The following IL18R1 variants were observed in gnomAD, a reference collection of about 807,000 sequenced individuals.
IL18R1 encodes interleukin 18 receptor 1, also known as interleukin-18 receptor 1.
IL18R1 carries 40 observed loss-of-function variants against 48.5 expected under a neutral mutation model. That is an observed-to-expected ratio of 0.82 (90% confidence interval 0.64 to 1.07). The LOEUF is 1.07. IL18R1 is among the 50% of genes least tolerant of loss of function. IL18R1 has a pLI of 0.00. For synonymous variants in IL18R1, 232 were observed against 225.9 expected, an observed-to-expected ratio of 1.03 and a Z score of -0.24; for missense variants, 596 against 633.7, an observed-to-expected ratio of 0.94 and a Z score of 0.64.
At chr2:102,384,381 T>C (rs529445034) in intron 6 of IL18R1, among the ~76,000 whole-genome samples, 18 of 152,246 alleles carry the variant, frequency 1.2e-4, no homozygotes, top group African/African-American at 4.1e-4. Context: ...AGACTCTTTC[T>C]GTTAATTACA....
At chr2:102,359,916 A>T (rs1216059341) in intron 1 of IL18R1, among the ~76,000 whole-genome samples, 1 of 152,220 alleles carries the variant, frequency 6.6e-6, no homozygotes, top group Non-Finnish European at 1.5e-5. Flanking sequence ...TTTAACTTTC[A>T]CATCAGTTCC....
intron 6 of IL18R1, among the ~76,000 whole-genome samples, chr2:102,382,134 A>G (rs1270371912): frequency 6.6e-6 from 1 of 152,070 alleles, no homozygotes; most frequent in East Asian, 1.9e-4. Flanking sequence ...TTAGCCAGGC[A>G]TGGTGGCATG....
chr2:102,382,881 T>C (rs1679999571), intron 6 of IL18R1, among the ~76,000 whole-genome samples: 2 of 152,206 alleles, frequency 1.3e-5, no homozygotes, highest in Non-Finnish European at 1.5e-5. Context: ...GTATCTTTTG[T>C]TCTAGTTTGT....
chr2:102,392,059 A>C (rs2105127387), intron 9 of IL18R1, among the ~76,000 whole-genome samples: 1 of 152,316 alleles, frequency 6.6e-6, no homozygotes, highest in South Asian at 2.1e-4. Flanking sequence ...TGAAAAACAT[A>C]CTCAAATGTA....
rs1043077784 is a variant in IL18R1 at position 102,360,202 on chromosome 2, G to A, written c.-28-2431G>A. Among the ~76,000 whole-genome samples, 6 of 152,172 alleles carry A rather than the reference G, an allele frequency of 3.9e-5. No homozygotes were observed. In the South Asian group the frequency reaches 1.0e-3, roughly 26 times the overall value. On this transcript the variant is annotated intron_variant, in intron 1 of 10. Transcript: ENST00000233957. ...TAGAATGGTTTTAACAAAGAGTTTT[G>A]TGACACAGGAAAAATGCTCATTATG...
At chr2:102,369,703 C>G (rs764758365) in intron 3 of IL18R1, among the ~76,000 whole-genome samples, 171 of 152,268 alleles carry the variant, frequency 1.1e-3, no homozygotes, top group Non-Finnish European at 2.2e-3. Flanking sequence ...AGGTGTGTAA[C>G]CCTTTGCAGT....
At chr2:102,371,701 G>A (rs1679272046) in intron 3 of IL18R1, among the ~76,000 whole-genome samples, 2 of 152,070 alleles carry the variant, frequency 1.3e-5, no homozygotes, top group Admixed American at 6.6e-5. Flanking sequence ...GTGCGTGTGT[G>A]CGTGTGCATG....
At chr2:102,381,579 G>A in intron 5 of IL18R1, 41 bp from the exon 6 acceptor site, 1 of 1,431,310 alleles carries the variant, frequency 7.0e-7, no homozygotes, top group South Asian at 1.2e-5. Flanking sequence ...AGAAGCTCAA[G>A]GCAACACTAA....
intron 2 of IL18R1, among the ~76,000 whole-genome samples, chr2:102,365,006 T>C (rs1678803907): frequency 1.3e-5 from 2 of 152,116 alleles, no homozygotes; most frequent in Admixed American, 1.3e-4. Flanking sequence ...GGAACTACAA[T>C]TCAAGATGAT....
At position 102,367,947 on chromosome 2, in the gene IL18R1, G is replaced by T; in HGVS notation, c.181G>T (p.Gly61Ter). The T allele has an allele frequency of 6.2e-7, 1 of 1,614,206 alleles. No individual in the cohort carries two copies. Among genetic ancestry groups the T allele is most frequent in the Non-Finnish European group, 8.5e-7 (1 of 1,180,036 alleles). Residue 61 changes from glycine to a stop codon, truncating the protein, a stop_gained, in exon 3 of 11, where the codon GGA becomes TGA. Coordinates refer to ENST00000233957, the MANE Select transcript of IL18R1 (RefSeq NM_003855.5). LOFTEE classifies it high-confidence loss of function. ...TTTKSWYKSS[G>*]SQEHVELNPR... ...CACCAAAAGCTGGTACAAAAGCAGT[G>T]GATCACAGGAACATGTGGAGCTGAA...
intron 5 of IL18R1, among the ~76,000 whole-genome samples, chr2:102,379,944 A>G (rs1679821794): frequency 6.6e-6 from 1 of 152,150 alleles, no homozygotes; most frequent in Non-Finnish European, 1.5e-5. Flanking sequence ...CGTTGAGTTT[A>G]AAGTACTCAG....
intron 3 of IL18R1, among the ~76,000 whole-genome samples, chr2:102,370,582 A>G (rs1373048546): frequency 6.6e-6 from 1 of 152,252 alleles, no homozygotes; most frequent in African/African-American, 2.4e-5. Flanking sequence ...TTCATGCCCA[A>G]GGTGAAGGGG....
At chr2:102,383,032 C>T (rs1559629054) in intron 6 of IL18R1, among the ~76,000 whole-genome samples, 1 of 152,024 alleles carries the variant, frequency 6.6e-6, no homozygotes, top group Admixed American at 6.6e-5. Context: ...TAAAATTTCC[C>T]TTATGATTTC....
At chr2:102,362,759 A>G in intron 2 of IL18R1, 41 bp downstream of exon 2, 1 of 1,286,548 alleles carries the variant, frequency 7.8e-7, no homozygotes, top group Non-Finnish European at 1.1e-6. Context: ...TTCATGAGTA[A>G]TTGAGGAAGA....
At position 102,384,873 on chromosome 2, in the gene IL18R1, AC is replaced by A. The variant is rs1183693781; in HGVS notation, c.689-3del. The A allele has an allele frequency of 6.2e-7, 1 of 1,606,650 alleles. No individual in the cohort carries two copies. Among genetic ancestry groups the A allele is most frequent in the Non-Finnish European group, 8.5e-7 (1 of 1,177,230 alleles). ...ATCAGAACTTTAGTTGCCAACTTTT[AC>A]CAGGAAAAAACGTAAGGCTCAACTG... On this transcript the variant is annotated splice_region_variant and splice_polypyrimidine_tract_variant and intron_variant, in intron 6 of 10. Transcript: ENST00000233957.
At position 102,396,928 on chromosome 2, in the gene IL18R1, TG is replaced by T. The variant is rs11465656; in HGVS notation, c.*46del. 0.031 allele frequency: 37,923 copies of T among 1,242,206 alleles called. 714 individuals are homozygous for T. The highest frequency in any genetic ancestry group is 0.038 in the South Asian group (2,648 of 69,996). The allele number at this position is 1,242,206 out of a possible 1,614,324, so 76.9% of individuals were successfully genotyped here. Reference sequence around the variant, plus strand: ...ACGCCAAAAAGAACTCAAGATATTCTGGGGACTGAGCATATGAACCTGTTCA... The same window carrying T: ...ACGCCAAAAAGAACTCAAGATATTCTGGGACTGAGCATATGAACCTGTTCA... On this transcript the variant is annotated 3_prime_UTR_variant, in exon 11 of 11. Coordinates refer to ENST00000233957, the MANE Select transcript of IL18R1 (RefSeq NM_003855.5).
chr2:102,364,644 A>G (rs549694957), intron 2 of IL18R1, among the ~76,000 whole-genome samples: 3 of 152,352 alleles, frequency 2.0e-5, no homozygotes, highest in Non-Finnish European at 2.9e-5. Context: ...GTTTTGTGGT[A>G]GATTCGACAT....
intron 2 of IL18R1, among the ~76,000 whole-genome samples, chr2:102,367,588 G>T (rs1411660905): frequency 6.6e-6 from 1 of 152,090 alleles, no homozygotes; most frequent in African/African-American, 2.4e-5. Flanking sequence ...ATACCTTCCT[G>T]TTGGGGAGAA....
intron 9 of IL18R1, among the ~76,000 whole-genome samples, chr2:102,392,165 G>A (rs1680592163): frequency 6.6e-6 from 1 of 152,154 alleles, no homozygotes; most frequent in Admixed American, 6.5e-5. Context: ...GATTTTTATA[G>A]GTTTAGTTTT....
Sources: allele counts gnomAD v4.1 joint callset (sites outside exome capture counted in the v4.1 genomes callset), GRCh38; gene constraint gnomAD v4.1.1; transcripts MANE v1.5; gene names NCBI Gene and HGNC (gene_info 2026-07-23, HGNC 2026-07-21).